Variants in ELP4 observed in about 807,000 individuals in gnomAD.
ELP4 encodes the protein elongator acetyltransferase complex subunit 4, also known as elongator complex protein 4.
Under a neutral mutation model 48.9 loss-of-function variants are expected in ELP4, and 51 were observed. That is an observed-to-expected ratio of 1.04 (90% CI 0.83 to 1.32). The LOEUF is 1.32. Ranked by LOEUF, ELP4 falls within the 40% of genes most tolerant of loss-of-function variation. The probability of loss-of-function intolerance (pLI) is 0.00; values close to 1 mark genes in which losing one functional copy is unlikely to be tolerated. For synonymous variants in ELP4, 210 were observed against 189.2 expected (o/e 1.11, Z -0.90); for missense variants, 519 against 514.6 (o/e 1.01, Z -0.08).
chr11:31,579,650 C>G (rs1005667202), intron 3 of ELP4, among the ~76,000 whole-genome samples: 1 of 152,000 alleles, frequency 6.6e-6, no homozygotes, highest in Admixed American at 6.6e-5. Flanking sequence ...ATGGATGAAG[C>G]TGGAAACCAT....
intron 9 of ELP4, among the ~76,000 whole-genome samples, chr11:31,677,651 C>T (rs1179226772): frequency 6.6e-6 from 1 of 151,916 alleles, no homozygotes; most frequent in Non-Finnish European, 1.5e-5. Flanking sequence ...TTTAAAAAAA[C>T]AAGAATGGAA....
At chr11:31,651,392 A>T (rs1399714332) in intron 9 of ELP4, 5 of 151,742 alleles carry the variant, frequency 3.3e-5, no homozygotes, top group African/African-American at 1.2e-4. Context: ...TTCTTCAAGC[A>T]GGTCATCTCT....
chr11:31,701,618 T>C (rs535437647), intron 9 of ELP4, among the ~76,000 whole-genome samples: 1 of 151,634 alleles, frequency 6.6e-6, no homozygotes, highest in Non-Finnish European at 1.5e-5. Flanking sequence ...TTTCTGCTCC[T>C]ATTGCCAAGC....
At chr11:31,689,585 A>T (rs1331459494) in intron 9 of ELP4, 1 of 152,198 alleles carries the variant, frequency 6.6e-6, no homozygotes, top group Non-Finnish European at 1.5e-5. Context: ...AAAGACTGAG[A>T]ATTACATTAT....
chr11:31,763,109 A>G (rs1408448104), intron 9 of ELP4, among the ~76,000 whole-genome samples: 4 of 151,908 alleles, frequency 2.6e-5, no homozygotes, highest in Non-Finnish European at 5.9e-5. Flanking sequence ...AAAAAAGCAT[A>G]TCATTTAAAT....
intron 9 of ELP4, among the ~76,000 whole-genome samples, chr11:31,745,010 T>C (rs1263669743): frequency 1.3e-5 from 2 of 152,058 alleles, no homozygotes; most frequent in East Asian, 1.9e-4. Flanking sequence ...CAGCCCAAAA[T>C]CTCCTCAAGC....
At chr11:31,650,848 T>C (rs946534072) in intron 9 of ELP4, 1 of 151,786 alleles carries the variant, frequency 6.6e-6, no homozygotes, top group Non-Finnish European at 1.5e-5. Flanking sequence ...GATGTATTTA[T>C]TAATGAAGTA....
chr11:31,730,237 A>G (rs944032725), intron 9 of ELP4, among the ~76,000 whole-genome samples: 1 of 152,136 alleles, frequency 6.6e-6, no homozygotes, highest in African/African-American at 2.4e-5. Flanking sequence ...AACAATAGAC[A>G]TTTATTTCTC....
intron 9 of ELP4, among the ~76,000 whole-genome samples, chr11:31,656,506 T>A (rs149314299): frequency 1.9e-3 from 284 of 152,182 alleles, no homozygotes; most frequent in African/African-American, 5.9e-3. Flanking sequence ...ATAATTAAAA[T>A]ATGACACCTT....
intron 9 of ELP4, among the ~76,000 whole-genome samples, chr11:31,667,265 T>A (rs1041928624): frequency 2.0e-5 from 3 of 152,188 alleles, no homozygotes; most frequent in African/African-American, 7.2e-5. Flanking sequence ...TTACTTTTAA[T>A]TAAAGTTTAT....
rs1948694494 is a variant in ELP4, at chr11:31,787,037, A to AT, written c.*3513_*3514insT. On this transcript the variant is annotated 3_prime_UTR_variant, in exon 10 of 10. Coordinates refer to ENST00000640961, the MANE Select transcript of ELP4 (RefSeq NM_019040.5). ...TGTATCGTTAAATAAATAATAAACA[A>AT]AAATTATTTCAACAATGAGTAAAAG... is the stretch of plus-strand genomic sequence containing the variant. The AT allele has an allele frequency of 4.5e-6, 1 of 224,380 alleles. No individual in the cohort carries two copies. The highest frequency in any genetic ancestry group is 2.2e-5 in the African/African-American group (1 of 44,866). The allele number at this position is 224,380 out of a possible 1,614,324, so 13.9% of individuals were successfully genotyped here. A position where few individuals can be genotyped will look rare whatever the true frequency, so the allele number is the denominator to read the frequency against.
intron 9 of ELP4, among the ~76,000 whole-genome samples, chr11:31,705,501 G>A (rs775088906): frequency 5.9e-5 from 9 of 152,136 alleles, no homozygotes; most frequent in Non-Finnish European, 1.2e-4. Flanking sequence ...ACTTTGGATT[G>A]CGACAAACAC....
chr11:31,750,891 A>G lies in ELP4; in HGVS notation c.1144-32502A>G, dbSNP rs553411525. ...TTCATGATTCACCTTTCCCTTCTCC[A>G]GCCTATAGGCAGACATGCATTTAAC... On this transcript the variant is annotated intron_variant, in intron 9 of 9. Coordinates refer to ENST00000640961, the MANE Select transcript of ELP4 (RefSeq NM_019040.5). Among the ~76,000 whole-genome samples, 3 of 152,288 alleles carry G rather than the reference A, an allele frequency of 2.0e-5. No individual in the cohort carries two copies. The South Asian group carries it at 6.2e-4, about 32-fold the overall frequency.
chr11:31,673,008 T>G (rs182397251), intron 9 of ELP4, among the ~76,000 whole-genome samples: 2 of 151,962 alleles, frequency 1.3e-5, no homozygotes, highest in Non-Finnish European at 2.9e-5. Context: ...TTTTGGTGGG[T>G]TTTTTTGTTT....
chr11:31,683,893 C>A (rs1439343405), intron 9 of ELP4, among the ~76,000 whole-genome samples: 1 of 152,164 alleles, frequency 6.6e-6, no homozygotes, highest in African/African-American at 2.4e-5. Flanking sequence ...TTACAGACTT[C>A]AGCCGTAGGA....
At chr11:31,693,347 C>T (rs985519898) in intron 9 of ELP4, among the ~76,000 whole-genome samples, 1 of 151,518 alleles carries the variant, frequency 6.6e-6, no homozygotes. Context: ...GTGTAATATT[C>T]CCCTTCCTGT....
rs1334669244 is a variant in ELP4, at chr11:31,657,691, T to C, written c.1143+7470T>C. 3.3e-5 allele frequency among the ~76,000 whole-genome samples: 5 copies of C among 152,034 alleles called. No homozygotes were observed. The South Asian group carries it at 1.0e-3, about 32-fold the overall frequency. ...CACAGGAACCCTTGCATACATACTA[T>C]TTCACATATTTAATAAAAAGAAATA... is the stretch of plus-strand genomic sequence containing the variant. On this transcript the variant is annotated intron_variant, in intron 9 of 9. Transcript: ENST00000640961.
At chr11:31,668,176 G>A (rs1454470052) in intron 9 of ELP4, among the ~76,000 whole-genome samples, 2 of 152,104 alleles carry the variant, frequency 1.3e-5, no homozygotes, top group Admixed American at 6.5e-5. Flanking sequence ...ATGATGTTTT[G>A]TATAATATTT....
intron 1 of ELP4, chr11:31,510,635 T>C: frequency 2.8e-6 from 1 of 356,794 alleles, no homozygotes; most frequent in Non-Finnish European, 5.0e-6. Flanking sequence ...TTATTTTTTC[T>C]ATATACATTT....
Sources: gnomAD v4.1 joint callset for allele counts (sites outside exome capture counted in the v4.1 genomes callset) on GRCh38, gnomAD v4.1.1 for gene constraint, MANE v1.5 for transcripts, NCBI Gene and HGNC (gene_info 2026-07-23, HGNC 2026-07-21) for gene names.